The following FARP2 variants were observed in gnomAD, a reference collection of about 807,000 sequenced individuals.
FARP2 encodes FERM, ARH/RhoGEF and pleckstrin domain protein 2.
A neutral mutation model predicts 130.5 loss-of-function variants in FARP2; 111 were observed. The ratio of observed to expected loss-of-function variants is 0.85; its 90% CI spans 0.73 to 1.00. The LOEUF is 1.00. FARP2 is among the 50% of genes least tolerant of loss of function. The pLI is 0.00. For synonymous variants in FARP2, 504 were observed against 516.9 expected, an observed-to-expected ratio of 0.98 and a Z score of 0.34; for missense variants, 1,385 against 1,346.3, an observed-to-expected ratio of 1.03 and a Z score of -0.45.
chr2:241,456,317 C>T (rs2063835751), intron 13 of FARP2: 1 of 154,618 alleles, frequency 6.5e-6, no homozygotes, highest in South Asian at 2.1e-4. Context: ...CAGATGTTAG[C>T]CCTGGTTTGA....
chr2:241,390,189 ATTGC>A (rs1408557725), intron 2 of FARP2, among the ~76,000 whole-genome samples: 10 of 152,106 alleles, frequency 6.6e-5, no homozygotes, highest in Non-Finnish European at 1.2e-4. Flanking sequence ...CTCTGTCCCT[ATTGC>A]TAGTGGTGCT....
intron 8 of FARP2, among the ~76,000 whole-genome samples, chr2:241,428,859 A>G (rs2063024125): frequency 6.6e-6 from 1 of 152,140 alleles, no homozygotes; most frequent in African/African-American, 2.4e-5. Context: ...TTCCCTCTCT[A>G]TGGATTTCCC....
In FARP2 at chr2:241,484,307, C is replaced by A. The variant is rs755679351; in HGVS notation, c.2397C>A (p.Gly799=). 7 of 1,614,076 alleles carry A rather than the reference C, an allele frequency of 4.3e-6. No homozygotes were observed. In the Admixed American group the frequency reaches 8.3e-5, roughly 19 times the overall value. Residue 799 remains glycine, a synonymous_variant, in exon 21 of 27, where the codon GGC becomes GGA. Coordinates refer to ENST00000264042, the MANE Select transcript of FARP2 (RefSeq NM_014808.4). ...VAGTSHFRIR[G]LLPLQGMLVE... ...GGACCAGCCACTTCCGGATCCGGGG[C>A]CTCCTTCCCCTCCAAGGCATGCTGG...
chr2:241,485,073 G>C (rs973853090), intron 21 of FARP2, among the ~76,000 whole-genome samples: 1 of 152,086 alleles, frequency 6.6e-6, no homozygotes, highest in Non-Finnish European at 1.5e-5. Flanking sequence ...CTTGACTACA[G>C]TGCTACAGTG....
At chr2:241,465,465 C>G (rs748755204) in intron 17 of FARP2, 1 of 1,550,454 alleles carries the variant, frequency 6.4e-7, no homozygotes, top group South Asian at 1.2e-5. Context: ...TTCAGGTGTT[C>G]CAGCTCCACG....
intron 5 of FARP2, among the ~76,000 whole-genome samples, chr2:241,408,614 A>G (rs947518063): frequency 1.3e-5 from 2 of 151,966 alleles, no homozygotes; most frequent in African/African-American, 2.4e-5. Context: ...TTTTCTTTGT[A>G]TTTTTTGTAT....
At chr2:241,373,061 G>GT (rs1369213718) in intron 1 of FARP2, 23 bp from the exon 2 acceptor site, 85 of 1,118,168 alleles carry the variant, frequency 7.6e-5, no homozygotes, top group Non-Finnish European at 9.2e-5. Flanking sequence ...TCCTTCATGT[G>GT]GTTTTTTTTT....
In FARP2 at chr2:241,435,040, G is replaced by A. The variant is rs1220302849; in HGVS notation, c.1100+10G>A. ...GAATTCCATATGAAAGGTAAGCTCT[G>A]GCCTTTATGATGTAAAGTGTGTGCT... On this transcript the variant is annotated intron_variant, in intron 11 of 26. Transcript: ENST00000264042. 1 of 1,514,098 alleles carries A rather than the reference G, an allele frequency of 6.6e-7. No individual in the cohort carries two copies. 93.8% of individuals were successfully genotyped at this position (1,514,098 alleles called of 1,614,324 possible).
intron 17 of FARP2, chr2:241,466,036 A>G: frequency 7.8e-7 from 1 of 1,284,224 alleles, no homozygotes; most frequent in Non-Finnish European, 9.9e-7. Flanking sequence ...CCAGATTATC[A>G]TACTGTAGTC....
intron 7 of FARP2, 122 bp from the exon 8 acceptor site, chr2:241,417,840 C>T: frequency 1.9e-6 from 2 of 1,042,962 alleles, no homozygotes; most frequent in African/African-American, 1.6e-5. Flanking sequence ...GACAGTGAAC[C>T]ATCTGCCCTC....
chr2:241,358,557 T>C (rs1444057313), intron 1 of FARP2, among the ~76,000 whole-genome samples: 1 of 152,216 alleles, frequency 6.6e-6, no homozygotes, highest in Non-Finnish European at 1.5e-5. Context: ...GTAACAGATT[T>C]TTCTTACTGC....
intron 18 of FARP2, 111 bp downstream of exon 18, chr2:241,468,488 C>T: frequency 1.3e-6 from 1 of 753,962 alleles, no homozygotes; most frequent in South Asian, 1.6e-5. Flanking sequence ...AGGAGTCCAC[C>T]CCATTAGGGC....
chr2:241,434,916 T>C, intron 10 of FARP2, 46 bp from the exon 11 acceptor site: 4 of 1,121,236 alleles, frequency 3.6e-6, no homozygotes, highest in Non-Finnish European at 5.4e-6. Context: ...GAAAAATTAA[T>C]GCTGACTTAC....
chr2:241,407,522 A>AT lies in FARP2; in HGVS notation c.332-8dup, dbSNP rs772410935. ...GATCGGCCTTATTTGTGAAGTTTAA[A>AT]TTTTTTTGTTATAGGGCCAAAGAAT... On this transcript the variant is annotated splice_polypyrimidine_tract_variant and intron_variant, in intron 4 of 26. Coordinates refer to ENST00000264042, the MANE Select transcript of FARP2 (RefSeq NM_014808.4). 1.2e-6 allele frequency: 2 copies of AT among 1,608,898 alleles called. No homozygotes were observed. The highest frequency in any genetic ancestry group is 1.1e-5 in the South Asian group (1 of 90,926).
intron 21 of FARP2, among the ~76,000 whole-genome samples, chr2:241,487,995 G>A (rs940350018): frequency 6.6e-5 from 10 of 151,756 alleles, no homozygotes; most frequent in Admixed American, 2.6e-4. Context: ...TGATCCACCC[G>A]CCTCGGCCTC....
At chr2:241,471,003 G>A (rs1288596466) in intron 18 of FARP2, among the ~76,000 whole-genome samples, 1 of 151,620 alleles carries the variant, frequency 6.6e-6, no homozygotes, top group Non-Finnish European at 1.5e-5. Flanking sequence ...ACACTACCCT[G>A]AGCGGATCTC....
Position 241,424,654 on chromosome 2 carries a change from A to G in FARP2, c.771+6545A>G, listed in dbSNP as rs1574796366. ...AGAGACACAAAAACCCCTTCAAAAA[A>G]TCAAATCCAGGAGCTGGTTTTTTGA... is the stretch of plus-strand genomic sequence containing the variant. On this transcript the variant is annotated intron_variant, in intron 8 of 26. Transcript: ENST00000264042. Among the ~76,000 whole-genome samples, 3 of 152,314 alleles carry G rather than the reference A, an allele frequency of 2.0e-5. No individual in the cohort carries two copies. The South Asian group carries it at 6.2e-4, about 32-fold the overall frequency.
chr2:241,371,943 A>C (rs1396741597), intron 1 of FARP2, among the ~76,000 whole-genome samples: 2 of 152,138 alleles, frequency 1.3e-5, no homozygotes, highest in Admixed American at 6.5e-5. Context: ...CGTTAAAAAC[A>C]ATGAAGACAC....
intron 18 of FARP2, among the ~76,000 whole-genome samples, chr2:241,473,591 G>T (rs1244138269): frequency 6.6e-6 from 1 of 152,230 alleles, no homozygotes; most frequent in East Asian, 1.9e-4. Flanking sequence ...GTGGCAGTCA[G>T]GCTCCCAGCC....
Sources: gnomAD v4.1 joint callset for allele counts (sites outside exome capture counted in the v4.1 genomes callset) on GRCh38, gnomAD v4.1.1 for gene constraint, MANE v1.5 for transcripts, NCBI Gene and HGNC (gene_info 2026-07-23, HGNC 2026-07-21) for gene names.